The following CDC42BPA variants were observed in gnomAD, a reference collection of about 807,000 sequenced individuals.
CDC42BPA encodes the protein CDC42 binding protein kinase alpha.
In CDC42BPA, 80 loss-of-function variants were observed where a neutral mutation model predicts 223.5. The observed-to-expected ratio is 0.36, with a 90% CI of 0.30 to 0.43. The LOEUF is 0.43. Among genes scored for constraint, CDC42BPA ranks in the 20% least tolerant of loss-of-function variants. CDC42BPA has a pLI of 1.00. For synonymous variants in CDC42BPA, 694 were observed against 718.6 expected, an observed-to-expected ratio of 0.97 and a Z score of 0.55; for missense variants, 1,743 against 2,099.9, an observed-to-expected ratio of 0.83 and a Z score of 3.32.
chr1:227,202,198 G>A (rs1671899044), intron 3 of CDC42BPA, among the ~76,000 whole-genome samples: 1 of 152,126 alleles, frequency 6.6e-6, no homozygotes, highest in Non-Finnish European at 1.5e-5. Context: ...TAGCCAGGAT[G>A]GTCTCGATCT....
intron 2 of CDC42BPA, among the ~76,000 whole-genome samples, chr1:227,228,073 T>A (rs1558814329): frequency 6.8e-6 from 1 of 147,638 alleles, no homozygotes; most frequent in East Asian, 2.0e-4. Flanking sequence ...TGAGAACACA[T>A]GGACTCAGGG....
chr1:227,180,907 G>A (rs1283180056), intron 5 of CDC42BPA, among the ~76,000 whole-genome samples: 4 of 146,366 alleles, frequency 2.7e-5, no homozygotes, highest in African/African-American at 9.9e-5. Context: ...AATAACTTGG[G>A]GCCTTTTTTT....
At chr1:227,022,870 C>T (rs191443542) in intron 32 of CDC42BPA, among the ~76,000 whole-genome samples, 3 of 152,296 alleles carry the variant, frequency 2.0e-5, no homozygotes, top group African/African-American at 7.2e-5. Flanking sequence ...GCCCTGTACA[C>T]TGGCAGAAGA....
chr1:227,180,734 A>AAACCT (rs1323252283), intron 5 of CDC42BPA, among the ~76,000 whole-genome samples: 1 of 152,232 alleles, frequency 6.6e-6, no homozygotes, highest in Non-Finnish European at 1.5e-5. Flanking sequence ...TTTGTCATCT[A>AAACCT]AAACTGAAGC....
intron 7 of CDC42BPA, among the ~76,000 whole-genome samples, chr1:227,146,612 T>C: frequency 6.6e-6 from 1 of 152,150 alleles, no homozygotes; most frequent in Admixed American, 6.5e-5. Flanking sequence ...ATAAAACCTT[T>C]CTTCTTATTA....
intron 21 of CDC42BPA, among the ~76,000 whole-genome samples, chr1:227,067,341 C>G (rs905271714): frequency 3.3e-5 from 5 of 151,828 alleles, no homozygotes. Flanking sequence ...ACATACTGCT[C>G]TTAGGTTTTA....
intron 16 of CDC42BPA, among the ~76,000 whole-genome samples, chr1:227,089,497 C>T (rs1682644512): frequency 6.6e-6 from 1 of 152,120 alleles, no homozygotes; most frequent in Non-Finnish European, 1.5e-5. Context: ...CCAGATCTCT[C>T]CCATTTCTTC....
intron 17 of CDC42BPA, among the ~76,000 whole-genome samples, chr1:227,079,860 G>GC (rs543554889): frequency 1.3e-5 from 2 of 149,438 alleles, no homozygotes; most frequent in African/African-American, 4.9e-5. Context: ...TGGATTTCAG[G>GC]TTTTTTTTTT....
At chr1:227,183,957 T>C (rs1049441837) in intron 5 of CDC42BPA, among the ~76,000 whole-genome samples, 2 of 152,228 alleles carry the variant, frequency 1.3e-5, no homozygotes, top group Non-Finnish European at 2.9e-5. Flanking sequence ...TATCAGTATA[T>C]TGAACATCTT....
At chr1:227,096,834 A>T (rs1684092679) in intron 15 of CDC42BPA, among the ~76,000 whole-genome samples, 1 of 151,580 alleles carries the variant, frequency 6.6e-6, no homozygotes, top group Non-Finnish European at 1.5e-5. Flanking sequence ...TTATGTATTC[A>T]GCTGATGATC....
intron 11 of CDC42BPA, among the ~76,000 whole-genome samples, chr1:227,126,429 C>A (rs1689606468): frequency 6.9e-6 from 1 of 143,886 alleles, no homozygotes; most frequent in Non-Finnish European, 1.5e-5. Context: ...ACAGGAGCCA[C>A]CAGCTACGTT....
intron 2 of CDC42BPA, among the ~76,000 whole-genome samples, chr1:227,238,706 T>C (rs1179487116): frequency 1.3e-5 from 2 of 152,204 alleles, no homozygotes; most frequent in African/African-American, 4.8e-5. Context: ...CTGGCTATAC[T>C]GAGGCAAATC....
intron 1 of CDC42BPA, among the ~76,000 whole-genome samples, chr1:227,294,573 T>A: frequency 7.5e-6 from 1 of 134,024 alleles, no homozygotes; most frequent in Admixed American, 7.7e-5. Context: ...CAAAAAGAGG[T>A]TAATTGGCCG....
At chr1:227,229,339 T>C (rs1194012222) in intron 2 of CDC42BPA, among the ~76,000 whole-genome samples, 1 of 152,256 alleles carries the variant, frequency 6.6e-6, no homozygotes, top group African/African-American at 2.4e-5. Flanking sequence ...AATTTATTTA[T>C]GGACTTTCAA....
chr1:227,027,533 G>C (rs1668488501), intron 30 of CDC42BPA, among the ~76,000 whole-genome samples: 1 of 152,066 alleles, frequency 6.6e-6, no homozygotes. Flanking sequence ...TAGTTCCCTA[G>C]GGTTTTTTTT....
intron 1 of CDC42BPA, among the ~76,000 whole-genome samples, chr1:227,276,545 T>A (rs1028362599): frequency 2.0e-5 from 3 of 151,046 alleles, no homozygotes; most frequent in Admixed American, 6.6e-5. Context: ...GCGGGGCGCC[T>A]CTGCCCAGCC....
rs760631741 is a variant in CDC42BPA at position 227,092,003 on chromosome 1, C to A, written c.2250-12G>T. On this transcript the variant is annotated splice_polypyrimidine_tract_variant and intron_variant, in intron 15 of 36. Coordinates refer to ENST00000366766, the MANE Select transcript of CDC42BPA (RefSeq NM_001394014.1). ...CCCTTTCACTTTGACTAACACAATTCAAAACACAAAAGGAAAAAGGGGAAT... is the reference window on the plus strand; with the variant it reads ...CCCTTTCACTTTGACTAACACAATTAAAAACACAAAAGGAAAAAGGGGAAT... 1 of 1,441,766 alleles carries A rather than the reference C, an allele frequency of 6.9e-7. No homozygotes were observed. Among genetic ancestry groups the A allele is most frequent in the South Asian group, 1.2e-5 (1 of 80,120 alleles). 89.3% of individuals were successfully genotyped at this position (1,441,766 alleles called of 1,614,324 possible).
In CDC42BPA at chr1:226,993,091, C is replaced by G. The variant is rs2148190629; in HGVS notation, c.*1177G>C. ...CCAGGCTTATGTGAAGAAGCCCACG[C>G]CCACTCTCAACAAAACAGACTCCTC... On this transcript the variant is annotated 3_prime_UTR_variant, in exon 37 of 37. Coordinates refer to ENST00000366766, the MANE Select transcript of CDC42BPA (RefSeq NM_001394014.1). The G allele has an allele frequency of 6.6e-6, 1 of 152,362 alleles. No individual in the cohort carries two copies. The highest frequency in any genetic ancestry group is 6.5e-5 in the Admixed American group (1 of 15,298). 9.4% of individuals were successfully genotyped at this position (152,362 alleles called of 1,614,324 possible).
intron 35 of CDC42BPA, among the ~76,000 whole-genome samples, chr1:226,996,287 A>G (rs1661585473): frequency 6.6e-6 from 1 of 152,192 alleles, no homozygotes; most frequent in Non-Finnish European, 1.5e-5. Flanking sequence ...TTAACTTTAA[A>G]AGTCCTCCTG....
Sources: allele counts gnomAD v4.1 joint callset (sites outside exome capture counted in the v4.1 genomes callset), GRCh38; gene constraint gnomAD v4.1.1; transcripts MANE v1.5; gene names NCBI Gene and HGNC (gene_info 2026-07-23, HGNC 2026-07-21).